The following PAQR5 variants were observed in gnomAD, a reference collection of about 807,000 sequenced individuals.
PAQR5 encodes the protein progestin and adipoQ receptor family member 5, also known as membrane progestin receptor gamma.
In PAQR5, 20 loss-of-function variants were observed where a neutral mutation model predicts 34.5. The observed-to-expected ratio is 0.58, with a 90% confidence interval of 0.41 to 0.84. The LOEUF is 0.84. PAQR5 is among the 40% of genes least tolerant of loss of function. The pLI is 0.00. For missense variants in PAQR5, 378 were observed against 412.7 expected (o/e 0.92, Z 0.73); for synonymous variants, 131 against 155.6 (o/e 0.84, Z 1.18).
chr15:69,392,966 A>G (rs371567581), intron 6 of PAQR5, among the ~76,000 whole-genome samples: 3 of 151,952 alleles, frequency 2.0e-5, no homozygotes, highest in South Asian at 2.1e-4. Flanking sequence ...TGTGGGTCCT[A>G]TGAGGACTGG....
intron 1 of PAQR5, among the ~76,000 whole-genome samples, chr15:69,305,819 C>T (rs1296425302): frequency 6.6e-6 from 1 of 152,220 alleles, no homozygotes; most frequent in Non-Finnish European, 1.5e-5. Context: ...TGTTTATTAA[C>T]TTCGTCCACG....
At chr15:69,346,906 T>A (rs2054790251) in intron 2 of PAQR5, among the ~76,000 whole-genome samples, 1 of 152,072 alleles carries the variant, frequency 6.6e-6, no homozygotes, top group Non-Finnish European at 1.5e-5. Flanking sequence ...AAACTCCGCC[T>A]CCTGGATTCA....
intron 1 of PAQR5, among the ~76,000 whole-genome samples, chr15:69,308,827 C>A (rs892593543): frequency 2.6e-5 from 4 of 151,844 alleles, no homozygotes; most frequent in Non-Finnish European, 5.9e-5. Flanking sequence ...CCTGGTGTAG[C>A]TTCCTCACTG....
intron 5 of PAQR5, among the ~76,000 whole-genome samples, chr15:69,386,202 A>T (rs916916730): frequency 6.6e-6 from 1 of 150,666 alleles, no homozygotes; most frequent in African/African-American, 2.4e-5. Flanking sequence ...GACACTACAC[A>T]CACATTCACA....
intron 5 of PAQR5, among the ~76,000 whole-genome samples, chr15:69,388,497 G>C (rs531432977): frequency 2.6e-4 from 39 of 152,358 alleles, no homozygotes; most frequent in African/African-American, 8.4e-4. Context: ...GGCAGGGTCA[G>C]AAGCTCCCTG....
chr15:69,374,468 G>A (rs567295158), intron 3 of PAQR5, among the ~76,000 whole-genome samples: 1 of 152,272 alleles, frequency 6.6e-6, no homozygotes, highest in South Asian at 2.1e-4. Flanking sequence ...CTGAGATCAG[G>A]GGTTTGAGAC....
chr15:69,322,671 A>AG (rs1261512206), intron 1 of PAQR5, among the ~76,000 whole-genome samples: 1 of 121,712 alleles, frequency 8.2e-6, no homozygotes, highest in Admixed American at 1.0e-4. Flanking sequence ...AAAAAAAAAA[A>AG]AAGAAGAAGA....
chr15:69,331,629 G>C (rs1280927369), intron 1 of PAQR5, among the ~76,000 whole-genome samples: 9 of 152,084 alleles, frequency 5.9e-5, no homozygotes, highest in Non-Finnish European at 1.2e-4. Context: ...GTCTCTCGGG[G>C]TGACTATCTG....
intron 1 of PAQR5, among the ~76,000 whole-genome samples, chr15:69,318,302 T>A (rs1275229104): frequency 6.6e-6 from 1 of 152,204 alleles, no homozygotes; most frequent in East Asian, 1.9e-4. Flanking sequence ...GGGGGCAGCT[T>A]GTTCGAAGCA....
rs371521763 is a variant in PAQR5 at position 69,343,404 on chromosome 15, ACAAT to A, written c.-116+5907_-116+5910del. Among the ~76,000 whole-genome samples the A allele has an allele frequency of 8.1e-3, 1,236 of 152,318 alleles. 14 individuals are homozygous for A. Among genetic ancestry groups the A allele is most frequent in the Non-Finnish European group, 0.013 (864 of 68,024 alleles). ...GGGATCCTTTCAGAAGGCACCTGAC[ACAAT>A]CAAGAGAGAGGGAAAGAAATAGAGG... On this transcript the variant is annotated intron_variant, in intron 2 of 8. Coordinates refer to ENST00000395407, the MANE Select transcript of PAQR5 (RefSeq NM_017705.4).
At chr15:69,345,442 T>C (rs1285631007) in intron 2 of PAQR5, among the ~76,000 whole-genome samples, 1 of 152,182 alleles carries the variant, frequency 6.6e-6, no homozygotes, top group Non-Finnish European at 1.5e-5. Context: ...CCACAGAGTG[T>C]AGGCCAAAGT....
intron 2 of PAQR5, among the ~76,000 whole-genome samples, chr15:69,347,502 A>T (rs2054804996): frequency 6.6e-6 from 1 of 152,082 alleles, no homozygotes; most frequent in Non-Finnish European, 1.5e-5. Flanking sequence ...GCCTTATGTT[A>T]TGTTTTCACT....
chr15:69,402,168 T>A (rs1317950209), intron 8 of PAQR5, among the ~76,000 whole-genome samples: 5 of 152,332 alleles, frequency 3.3e-5, no homozygotes, highest in Non-Finnish European at 5.9e-5. Context: ...TTCTCACAAT[T>A]CTGGAGGCTG....
chr15:69,376,956 T>C (rs2055724628), intron 3 of PAQR5, among the ~76,000 whole-genome samples: 1 of 152,178 alleles, frequency 6.6e-6, no homozygotes, highest in South Asian at 2.1e-4. Context: ...CCACTGCCAC[T>C]GTGGCTGTCA....
intron 1 of PAQR5, among the ~76,000 whole-genome samples, chr15:69,332,223 A>G (rs2054395999): frequency 6.6e-6 from 1 of 152,172 alleles, no homozygotes; most frequent in Non-Finnish European, 1.5e-5. Context: ...TTGTTCTGTA[A>G]TGGAGAGAGG....
In PAQR5 at chr15:69,406,032, G is replaced by A. The variant is rs937451411; in HGVS notation, c.*2210G>A. 1.1e-4 allele frequency: 16 copies of A among 152,206 alleles called. No homozygotes were observed. Among genetic ancestry groups the A allele is most frequent in the African/African-American group, 3.6e-4 (15 of 41,448 alleles). The allele number at this position is 152,206 out of a possible 1,614,324, so 9.4% of individuals were successfully genotyped here. On this transcript the variant is annotated 3_prime_UTR_variant, in exon 9 of 9. Transcript: ENST00000395407. ...AAATAATAGGCATTAGATGTCTAATGTGAGTATAATTTCATCCAAGCCATC... is the reference window on the plus strand; with the variant it reads ...AAATAATAGGCATTAGATGTCTAATATGAGTATAATTTCATCCAAGCCATC...
chr15:69,375,791 G>A (rs2055689831), intron 3 of PAQR5, among the ~76,000 whole-genome samples: 1 of 152,164 alleles, frequency 6.6e-6, no homozygotes, highest in South Asian at 2.1e-4. Context: ...AGCAGGAATT[G>A]CAGAATTCAT....
chr15:69,400,029 A>G lies in PAQR5; in HGVS notation c.665A>G (p.Lys222Arg). 6.2e-7 allele frequency: 1 copy of G among 1,614,214 alleles called. No homozygotes were observed. Among genetic ancestry groups the G allele is most frequent in the South Asian group, 1.1e-5 (1 of 91,090 alleles). Reference protein sequence around the residue: ...AQNEATSYHQKHMIMTLLASF... With the variant: ...AQNEATSYHQRHMIMTLLASF... ...AATGAAGCCACCTCGTACCACCAGA[A>G]GCACATGATCATGACCCTCCTGGCC... Residue 222 changes from lysine (K) to arginine (R), a missense_variant, in exon 8 of 9, where the codon AAG becomes AGG. By Grantham distance (26) the Lys-to-Arg change is conservative (BLOSUM62 2). Transcript: ENST00000395407.
intron 2 of PAQR5, among the ~76,000 whole-genome samples, chr15:69,350,705 A>G (rs2054895344): frequency 6.6e-6 from 1 of 152,142 alleles, no homozygotes; most frequent in Non-Finnish European, 1.5e-5. Context: ...CAAAAAAACC[A>G]GAGTGTAAGA....
Sources: allele counts gnomAD v4.1 joint callset (sites outside exome capture counted in the v4.1 genomes callset), GRCh38; gene constraint gnomAD v4.1.1; transcripts MANE v1.5; gene names NCBI Gene and HGNC (gene_info 2026-07-23, HGNC 2026-07-21).